Variants in MACROD2 observed in about 807,000 individuals in gnomAD.
MACROD2 encodes the protein mono-ADP ribosylhydrolase 2, also known as ADP-ribose glycohydrolase MACROD2.
Under a neutral mutation model 70.4 loss-of-function variants are expected in MACROD2, and 36 were observed. The observed-to-expected ratio is 0.51, with a 90% confidence interval of 0.39 to 0.68. The LOEUF (loss-of-function observed/expected upper bound fraction) is 0.68, where lower values mean the gene tolerates loss of function less well. MACROD2 is among the 30% of genes least tolerant of loss of function. The pLI, the probability that MACROD2 is intolerant of heterozygous loss-of-function variation, is 0.00. For synonymous variants in MACROD2, 172 were observed against 178.8 expected (o/e 0.96, Z 0.30); for missense variants, 496 against 538.4 (o/e 0.92, Z 0.78).
In MACROD2 at chr20:15,686,909, A is replaced by G. The variant is rs546229088; in HGVS notation, c.646-175836A>G. On this transcript the variant is annotated intron_variant, in intron 8 of 17. Transcript: ENST00000684519. ...AAAAAAAAAATACAGTTTGTTGTAT[A>G]TATCATAATTGACAGGACAAGACCC... 5.4e-5 allele frequency among the ~76,000 whole-genome samples: 8 copies of G among 149,032 alleles called. No individual in the cohort carries two copies. The South Asian group carries it at 1.5e-3, about 28-fold the overall frequency.
At chr20:14,405,476 A>G (rs1413158079) in intron 3 of MACROD2, among the ~76,000 whole-genome samples, 1 of 152,210 alleles carries the variant, frequency 6.6e-6, no homozygotes, top group African/African-American at 2.4e-5. Context: ...TTAAGAATCT[A>G]CGGGAGTCCA....
At chr20:15,226,188 G>A (rs2145974596) in intron 5 of MACROD2, among the ~76,000 whole-genome samples, 1 of 152,282 alleles carries the variant, frequency 6.6e-6, no homozygotes, top group Non-Finnish European at 1.5e-5. Context: ...AAAGAGGAGA[G>A]TGACTTGCAG....
At chr20:14,654,605 G>T (rs1985872948) in intron 4 of MACROD2, among the ~76,000 whole-genome samples, 1 of 151,934 alleles carries the variant, frequency 6.6e-6, no homozygotes. Flanking sequence ...GCAAAACCAG[G>T]TTCAACAAGT....
At chr20:15,560,899 G>A (rs551330901) in intron 8 of MACROD2, among the ~76,000 whole-genome samples, 1 of 151,740 alleles carries the variant, frequency 6.6e-6, no homozygotes, top group South Asian at 2.1e-4. Flanking sequence ...GGAATGGGTT[G>A]AGTAAAGGGG....
intron 2 of MACROD2, among the ~76,000 whole-genome samples, chr20:14,016,113 A>G (rs1344045720): frequency 6.6e-6 from 1 of 152,202 alleles, no homozygotes; most frequent in African/African-American, 2.4e-5. Context: ...ACCAATGCAC[A>G]GGGGTTCCAG....
intron 5 of MACROD2, among the ~76,000 whole-genome samples, chr20:14,838,034 A>C (rs2073049159): frequency 6.6e-6 from 1 of 152,130 alleles, no homozygotes; most frequent in Non-Finnish European, 1.5e-5. Context: ...TATTGGGCAA[A>C]AATAGTAGTT....
chr20:14,024,113 C>T (rs1048491931), intron 2 of MACROD2, among the ~76,000 whole-genome samples: 8 of 152,194 alleles, frequency 5.3e-5, no homozygotes, highest in Non-Finnish European at 1.5e-5. Context: ...AGAGGTCCTT[C>T]ACATCCCTTG....
intron 6 of MACROD2, among the ~76,000 whole-genome samples, chr20:15,234,855 A>G (rs2077000027): frequency 1.3e-5 from 2 of 152,196 alleles, no homozygotes; most frequent in Admixed American, 1.3e-4. Flanking sequence ...ACTGATGGAG[A>G]GGATACATAG....
At chr20:15,997,208 G>A (rs1197596725) in intron 15 of MACROD2, among the ~76,000 whole-genome samples, 1 of 152,070 alleles carries the variant, frequency 6.6e-6, no homozygotes, top group Non-Finnish European at 1.5e-5. Context: ...TTCCATATGA[G>A]TGTTAGGATT....
intron 3 of MACROD2, among the ~76,000 whole-genome samples, chr20:14,144,026 T>C (rs1052388522): frequency 6.6e-6 from 1 of 152,160 alleles, no homozygotes; most frequent in Non-Finnish European, 1.5e-5. Context: ...CTTTGTTTTT[T>C]ATGAACTCAT....
intron 8 of MACROD2, among the ~76,000 whole-genome samples, chr20:15,615,216 TGAA>T (rs1159731195): frequency 2.0e-5 from 3 of 152,164 alleles, no homozygotes; most frequent in Admixed American, 6.5e-5. Flanking sequence ...GAAGAGCTTT[TGAA>T]GAAGGAGTGT....
chr20:14,931,271 C>T (rs145892408), intron 5 of MACROD2, among the ~76,000 whole-genome samples: 26 of 152,146 alleles, frequency 1.7e-4, no homozygotes, highest in Non-Finnish European at 2.5e-4. Context: ...AGAGCATTCT[C>T]GGAATGGGAG....
At chr20:14,379,353 C>T (rs2083401163) in intron 3 of MACROD2, among the ~76,000 whole-genome samples, 1 of 152,032 alleles carries the variant, frequency 6.6e-6, no homozygotes, top group South Asian at 2.1e-4. Context: ...TTTTTAACAG[C>T]TTTATTGAGG....
intron 5 of MACROD2, among the ~76,000 whole-genome samples, chr20:14,857,277 C>G (rs554823145): frequency 6.6e-6 from 1 of 152,328 alleles, no homozygotes; most frequent in East Asian, 1.9e-4. Flanking sequence ...ATATCTCCTG[C>G]TCTTCATGAA....
intron 5 of MACROD2, among the ~76,000 whole-genome samples, chr20:14,761,621 G>A (rs1409206096): frequency 6.6e-6 from 1 of 152,088 alleles, no homozygotes; most frequent in Admixed American, 6.5e-5. Flanking sequence ...TAATAGCACT[G>A]AATCCTGACA....
chr20:14,962,974 A>T (rs368399134), intron 5 of MACROD2, among the ~76,000 whole-genome samples: 4 of 152,164 alleles, frequency 2.6e-5, no homozygotes, highest in Non-Finnish European at 4.4e-5. Context: ...CTGTTCGGAG[A>T]TGATTAGCAT....
At chr20:14,585,554 A>T (rs1441264201) in intron 4 of MACROD2, among the ~76,000 whole-genome samples, 1 of 152,016 alleles carries the variant, frequency 6.6e-6, no homozygotes, top group African/African-American at 2.4e-5. Context: ...GGGATATATT[A>T]TATGTATTTT....
intron 8 of MACROD2, among the ~76,000 whole-genome samples, chr20:15,519,041 C>T (rs1419408926): frequency 6.6e-6 from 1 of 151,322 alleles, no homozygotes; most frequent in Non-Finnish European, 1.5e-5. Flanking sequence ...GAAGTAGGAA[C>T]TGTTAACTCG....
At chr20:15,023,738 A>G (rs1022898487) in intron 5 of MACROD2, among the ~76,000 whole-genome samples, 1 of 152,154 alleles carries the variant, frequency 6.6e-6, no homozygotes, top group Non-Finnish European at 1.5e-5. Flanking sequence ...TGTCCCCATG[A>G]TTCAATTACT....
Sources: allele counts gnomAD v4.1 joint callset (sites outside exome capture counted in the v4.1 genomes callset), GRCh38; gene constraint gnomAD v4.1.1; transcripts MANE v1.5; gene names NCBI Gene and HGNC (gene_info 2026-07-23, HGNC 2026-07-21).